Variants in ZNF292 observed in about 807,000 individuals in gnomAD.
ZNF292 encodes the protein zinc finger protein 292.
A neutral mutation model predicts 217.9 loss-of-function variants in ZNF292; 26 were observed. That is an observed-to-expected ratio of 0.12 (90% CI 0.09 to 0.17). ZNF292 has a LOEUF of 0.17. Among genes scored for constraint, ZNF292 ranks in the 10% least tolerant of loss-of-function variants. The pLI, the probability that ZNF292 is intolerant of heterozygous loss-of-function variation, is 1.00. For synonymous variants in ZNF292, 1,257 were observed against 1,124.1 expected (o/e 1.12, Z -2.37); for missense variants, 2,904 against 3,175.2 (o/e 0.91, Z 2.05).
In ZNF292 at chr6:87,155,568, T is replaced by C. The variant is rs917210715; in HGVS notation, c.-24T>C. ...TGTGTTATCACGTGACCCAGGTGCG[T>C]ACGCGACGGAGCGGGGTGTGAAGAT... On this transcript the variant is annotated 5_prime_UTR_variant, in exon 1 of 8. Coordinates refer to ENST00000369577, the MANE Select transcript of ZNF292 (RefSeq NM_015021.3). 10 of 1,566,106 alleles carry C rather than the reference T, an allele frequency of 6.4e-6. No individual in the cohort carries two copies. The highest frequency in any genetic ancestry group is 1.9e-5 in the Admixed American group (1 of 52,416).
chr6:87,168,202 ATTTAGT>A (rs1404058886), intron 1 of ZNF292, among the ~76,000 whole-genome samples: 1 of 152,230 alleles, frequency 6.6e-6, no homozygotes, highest in Non-Finnish European at 1.5e-5. Context: ...TTCAAGAACC[ATTTAGT>A]TTTAGTGTCC....
intron 5 of ZNF292, among the ~76,000 whole-genome samples, chr6:87,236,754 G>A (rs970860373): frequency 7.2e-5 from 11 of 151,796 alleles, no homozygotes; most frequent in African/African-American, 2.7e-4. Flanking sequence ...ACTTAAAATC[G>A]CATACACACT....
chr6:87,207,396 A>C (rs537483027), intron 1 of ZNF292, among the ~76,000 whole-genome samples: 2 of 152,100 alleles, frequency 1.3e-5, no homozygotes, highest in African/African-American at 4.8e-5. Flanking sequence ...TCTGATTTCT[A>C]TTATGGTTTC....
intron 1 of ZNF292, among the ~76,000 whole-genome samples, chr6:87,189,480 C>G (rs1771765841): frequency 2.0e-5 from 3 of 151,888 alleles, no homozygotes; most frequent in South Asian, 4.2e-4. Context: ...AGAATCCCAT[C>G]TAGGATACAC....
intron 1 of ZNF292, among the ~76,000 whole-genome samples, chr6:87,191,823 C>G (rs1472324314): frequency 2.6e-5 from 4 of 152,110 alleles, no homozygotes; most frequent in Admixed American, 6.6e-5. Context: ...CCACCACACC[C>G]AGCTAATTTT....
In ZNF292 at chr6:87,260,106, A is replaced by C. The variant is rs761461548; in HGVS notation, c.6477A>C (p.Glu2159Asp). ...EVEEESEAGK[E>D]SEETETKQTL... is the part of the protein sequence containing the mutation. The stretch of plus-strand genomic sequence containing the variant: ...AAGAGGAAAGTGAAGCTGGTAAAGA[A>C]AGTGAAGAAACTGAAACTAAACAAA... The change falls in exon 8 of 8, where the codon GAA becomes GAC. Residue 2159 changes from glutamate to aspartate, a missense_variant. Coordinates refer to ENST00000369577, the MANE Select transcript of ZNF292 (RefSeq NM_015021.3). 6.2e-7 allele frequency: 1 copy of C among 1,613,544 alleles called. No individual in the cohort carries two copies. Among genetic ancestry groups the C allele is most frequent in the Non-Finnish European group, 8.5e-7 (1 of 1,179,636 alleles).
At chr6:87,217,088 T>C (rs1369753987) in intron 3 of ZNF292, among the ~76,000 whole-genome samples, 1 of 152,042 alleles carries the variant, frequency 6.6e-6, no homozygotes, top group Non-Finnish European at 1.5e-5. Context: ...TGCCAGCTAG[T>C]TTCAAAGCTA....
chr6:87,224,499 A>T (rs1773242322), intron 4 of ZNF292, among the ~76,000 whole-genome samples: 1 of 151,752 alleles, frequency 6.6e-6, no homozygotes, highest in Non-Finnish European at 1.5e-5. Flanking sequence ...GCCTTCTCCC[A>T]AACACCTGAC....
chr6:87,260,549 A>G lies in ZNF292; in HGVS notation c.6920A>G (p.Asn2307Ser), dbSNP rs1205934082. ...PGQENMSSKANQEKSKSKHRG... is the reference protein window; with the variant it reads ...PGQENMSSKASQEKSKSKHRG... ...CAGGAAAATATGTCAAGCAAGGCAA[A>G]CCAAGAAAAATCAAAGTCTAAACAT... is the stretch of plus-strand genomic sequence containing the variant. The change falls in exon 8 of 8, where the codon AAC (asparagine) becomes AGC (serine). Residue 2307 changes from asparagine to serine, a missense_variant. Physicochemically the swap from Asn to Ser is conservative, Grantham distance 46 (BLOSUM62 1). Coordinates refer to ENST00000369577, the MANE Select transcript of ZNF292 (RefSeq NM_015021.3). 2 of 1,613,204 alleles carry G rather than the reference A, an allele frequency of 1.2e-6. No individual in the cohort carries two copies. The highest frequency in any genetic ancestry group is 1.7e-5 in the Admixed American group (1 of 59,848).
At chr6:87,228,562 A>AT (rs1265652789) in intron 4 of ZNF292, among the ~76,000 whole-genome samples, 1 of 151,952 alleles carries the variant, frequency 6.6e-6, no homozygotes, top group East Asian at 1.9e-4. Flanking sequence ...GTAATTTTGG[A>AT]TTTTTCATCT....
At chr6:87,192,723 C>T (rs1562131913) in intron 1 of ZNF292, among the ~76,000 whole-genome samples, 1 of 152,146 alleles carries the variant, frequency 6.6e-6, no homozygotes, top group African/African-American at 2.4e-5. Context: ...AATAATGGCT[C>T]ATGTGAATGT....
At chr6:87,187,356 T>C (rs532423526) in intron 1 of ZNF292, among the ~76,000 whole-genome samples, 2 of 152,340 alleles carry the variant, frequency 1.3e-5, no homozygotes, top group Non-Finnish European at 1.5e-5. Context: ...TAACTCACTT[T>C]ACTAAATCTT....
In ZNF292 at chr6:87,216,001, A is replaced by T; in HGVS notation, c.267A>T (p.Arg89=). Residue 89 remains arginine (R), a synonymous_variant, in exon 2 of 8, where the codon CGA becomes CGT. Transcript: ENST00000369577. ...CTATCCAAAGTTATGTTAAAGCCCG[A>T]CCTTATCTTACCTCTGAATGTGAAA... is the stretch of plus-strand genomic sequence containing the variant. ...TVAIQSYVKA[R]PYLTSECENV... 6.3e-7 allele frequency: 1 copy of T among 1,585,140 alleles called. No homozygotes were observed. Among genetic ancestry groups the T allele is most frequent in the Non-Finnish European group, 8.5e-7 (1 of 1,171,300 alleles).
chr6:87,160,444 C>T (rs1770693943), intron 1 of ZNF292, among the ~76,000 whole-genome samples: 1 of 151,412 alleles, frequency 6.6e-6, no homozygotes, highest in Non-Finnish European at 1.5e-5. Flanking sequence ...GGTTGAATTA[C>T]AGTCGTGTGT....
intron 1 of ZNF292, among the ~76,000 whole-genome samples, chr6:87,203,317 A>G (rs1218753438): frequency 1.3e-5 from 2 of 150,960 alleles, no homozygotes; most frequent in Non-Finnish European, 3.0e-5. Context: ...AACTTTTTGT[A>G]TTTTTAGTAG....
At chr6:87,175,926 C>A (rs1038541251) in intron 1 of ZNF292, among the ~76,000 whole-genome samples, 2 of 152,174 alleles carry the variant, frequency 1.3e-5, no homozygotes, top group Non-Finnish European at 2.9e-5. Flanking sequence ...CCTAGACTTA[C>A]CTTCAATTTA....
At chr6:87,202,972 G>A (rs1203271563) in intron 1 of ZNF292, among the ~76,000 whole-genome samples, 1 of 151,952 alleles carries the variant, frequency 6.6e-6, no homozygotes, top group Non-Finnish European at 1.5e-5. Flanking sequence ...TATATGTAGA[G>A]TTCACTACTA....
At position 87,243,537 on chromosome 6, in the gene ZNF292, T is replaced by C. The variant is rs1371506936; in HGVS notation, c.804T>C (p.Asp268=). 1.9e-6 allele frequency: 3 copies of C among 1,558,642 alleles called. No individual in the cohort carries two copies. Among genetic ancestry groups the C allele is most frequent in the Non-Finnish European group, 2.6e-6 (3 of 1,150,260 alleles). ...TCTGTAACTTAGAATCTGAGGGTGA[T>C]GAAAAAAGCGCTCTTGTTTTATGTA... ...EMICNLESEG[D]EKSALVLCTA... is the part of the protein sequence containing the mutation. The change falls in exon 6 of 8, where the codon GAT becomes GAC. Residue 268 remains aspartate (D), a synonymous_variant. Coordinates refer to ENST00000369577, the MANE Select transcript of ZNF292 (RefSeq NM_015021.3).
intron 1 of ZNF292, among the ~76,000 whole-genome samples, chr6:87,193,469 G>T (rs777981555): frequency 1.3e-5 from 2 of 152,016 alleles, no homozygotes; most frequent in Non-Finnish European, 2.9e-5. Flanking sequence ...GAGCCTGAGA[G>T]GTTGAGGCTG....
Sources: gnomAD v4.1 joint callset for allele counts (sites outside exome capture counted in the v4.1 genomes callset) on GRCh38, gnomAD v4.1.1 for gene constraint, MANE v1.5 for transcripts, NCBI Gene and HGNC (gene_info 2026-07-23, HGNC 2026-07-21) for gene names.